Variants in PRKCA observed in about 807,000 individuals in gnomAD.
PRKCA encodes protein kinase C alpha type.
Under a neutral mutation model 87.0 loss-of-function variants are expected in PRKCA, and 27 were observed. The ratio of observed to expected loss-of-function variants is 0.31; its 90% confidence interval spans 0.23 to 0.43. The LOEUF (loss-of-function observed/expected upper bound fraction) is 0.43, where lower values mean the gene tolerates loss of function less well. PRKCA is among the 20% of genes least tolerant of loss of function. PRKCA has a pLI of 1.00. For missense variants in PRKCA, 518 were observed against 852.3 expected (o/e 0.61, Z 4.88); for synonymous variants, 329 against 311.1 (o/e 1.06, Z -0.61).
chr17:66,478,753 G>GA (rs1915643253), intron 2 of PRKCA, among the ~76,000 whole-genome samples: 1 of 121,664 alleles, frequency 8.2e-6, no homozygotes, highest in African/African-American at 3.5e-5. Flanking sequence ...CCTAGAGACA[G>GA]CCCCGTATCA....
chr17:66,495,556 T>TATTTC (rs1183652556), intron 2 of PRKCA, among the ~76,000 whole-genome samples: 1 of 151,570 alleles, frequency 6.6e-6, no homozygotes, highest in African/African-American at 2.4e-5. Flanking sequence ...TATTTTATTT[T>TATTTC]ATTTTATTTT....
Position 66,377,572 on chromosome 17 carries a change from ATATC to A in PRKCA, c.205+71449_205+71452del, listed in dbSNP as rs1428739302. On this transcript the variant is annotated intron_variant, in intron 2 of 16. Coordinates refer to ENST00000413366, the MANE Select transcript of PRKCA (RefSeq NM_002737.3). ...ATATAATGCCTATATTACATATATA[ATATC>A]TATATTACATATATGTCTATATTTT... 4.8e-5 allele frequency among the ~76,000 whole-genome samples: 7 copies of A among 147,300 alleles called. No homozygotes were observed. The Admixed American group carries it at 4.8e-4, about 10-fold the overall frequency.
chr17:66,732,660 G>T (rs774416342), intron 8 of PRKCA, 28 bp from the exon 9 acceptor site: 1 of 1,613,522 alleles, frequency 6.2e-7, no homozygotes, highest in Non-Finnish European at 8.5e-7. Flanking sequence ...AATGACCCAC[G>T]TGTTTCCCAT....
chr17:66,480,043 T>A (rs1567850373), intron 2 of PRKCA, among the ~76,000 whole-genome samples: 1 of 151,818 alleles, frequency 6.6e-6, no homozygotes, highest in East Asian at 1.9e-4. Flanking sequence ...TGAATAACAA[T>A]TCATCATATT....
intron 2 of PRKCA, among the ~76,000 whole-genome samples, chr17:66,456,967 ACATGAATGT>A (rs1283447979): frequency 1.3e-5 from 2 of 152,308 alleles, no homozygotes; most frequent in Middle Eastern, 3.4e-3. Context: ...CTTCTTCTGT[ACATGAATGT>A]CATGAATGTC....
chr17:66,593,265 C>T (rs1969870062), intron 3 of PRKCA, among the ~76,000 whole-genome samples: 1 of 152,100 alleles, frequency 6.6e-6, no homozygotes, highest in Non-Finnish European at 1.5e-5. Flanking sequence ...TGGCATGGCT[C>T]CATGTGGTCA....
At chr17:66,789,358 G>A (rs928536225) in intron 16 of PRKCA, among the ~76,000 whole-genome samples, 31 of 152,216 alleles carry the variant, frequency 2.0e-4, no homozygotes, top group African/African-American at 6.8e-4. Flanking sequence ...CTTCGTGTCT[G>A]TCTCTGGTTT....
At chr17:66,762,998 C>T (rs1263330430) in intron 13 of PRKCA, among the ~76,000 whole-genome samples, 3 of 152,186 alleles carry the variant, frequency 2.0e-5, no homozygotes, top group Non-Finnish European at 4.4e-5. Context: ...ACCATGTTGG[C>T]CAGGCTGGTC....
At position 66,792,055 on chromosome 17, in the gene PRKCA, C is replaced by T. The variant is rs1234491331; in HGVS notation, c.1854+3076C>T. ...ATGTCACACAGCTAGCGACTCTCAC[C>T]GTGAGCCCATTTCTGAGTGGCTCTC... On this transcript the variant is annotated intron_variant, in intron 16 of 16. Transcript: ENST00000413366. The surrounding 1 kb of genome is among the most constrained non-coding windows in gnomAD (Gnocchi z 4.5). Among the ~76,000 whole-genome samples the T allele has an allele frequency of 6.6e-6, 1 of 152,172 alleles. No individual in the cohort carries two copies. Among genetic ancestry groups the T allele is most frequent in the African/African-American group, 2.4e-5 (1 of 41,444 alleles).
At position 66,645,471 on chromosome 17, in the gene PRKCA, C is replaced by T; in HGVS notation, c.489C>T (p.Tyr163=). ...ACACTGAGAAGAGGGGGCGGATTTA[C>T]CTAAAGGCTGAGGTTGCTGATGAAA... ...MDHTEKRGRI[Y]LKAEVADEKL... is the part of the protein sequence containing the mutation. Residue 163 remains tyrosine, a synonymous_variant, in exon 5 of 17, where the codon TAC becomes TAT. Transcript: ENST00000413366. The T allele has an allele frequency of 6.2e-7, 1 of 1,614,140 alleles. No homozygotes were observed. The highest frequency in any genetic ancestry group is 8.5e-7 in the Non-Finnish European group (1 of 1,180,030).
chr17:66,408,645 T>C (rs1911561537), intron 2 of PRKCA, among the ~76,000 whole-genome samples: 1 of 152,184 alleles, frequency 6.6e-6, no homozygotes, highest in South Asian at 2.1e-4. Flanking sequence ...TTAGCACAAA[T>C]CTTCATTTCA....
rs190706713 is a variant in PRKCA at position 66,428,926 on chromosome 17, A to G, written c.206-67275A>G. On this transcript the variant is annotated intron_variant, in intron 2 of 16. Coordinates refer to ENST00000413366, the MANE Select transcript of PRKCA (RefSeq NM_002737.3). ...AATTTAAACTCGTACTTAAGCATATACTACCTGAAGACGTTTAAGAGCCAT... is the reference window on the plus strand; with the variant it reads ...AATTTAAACTCGTACTTAAGCATATGCTACCTGAAGACGTTTAAGAGCCAT... 1.8e-4 allele frequency among the ~76,000 whole-genome samples: 28 copies of G among 152,354 alleles called. 1 individual carries two copies. The East Asian group carries it at 5.2e-3, about 28-fold the overall frequency.
chr17:66,423,842 C>T (rs780242375), intron 2 of PRKCA, among the ~76,000 whole-genome samples: 12 of 141,530 alleles, frequency 8.5e-5, no homozygotes, highest in Admixed American at 7.5e-5. Flanking sequence ...TTTTAAGTGC[C>T]GGTGATGTCA....
chr17:66,626,599 T>TGACCTCGTGATCCGCC (rs536778033), intron 3 of PRKCA, among the ~76,000 whole-genome samples: 56 of 151,962 alleles, frequency 3.7e-4, no homozygotes, highest in African/African-American at 1.3e-3. Flanking sequence ...CTCGATCTGC[T>TGACCTCGTGATCCGCC]GACCTCGTGA....
At chr17:66,781,313 C>T (rs967982874) in intron 14 of PRKCA, among the ~76,000 whole-genome samples, 1 of 152,070 alleles carries the variant, frequency 6.6e-6, no homozygotes, top group African/African-American at 2.4e-5. Flanking sequence ...CAGGGTGGGG[C>T]TGGAAGCGCA....
intron 8 of PRKCA, chr17:66,703,543 C>T (rs1337817857): frequency 6.6e-6 from 1 of 152,150 alleles, no homozygotes; most frequent in Non-Finnish European, 1.5e-5. Context: ...CCTATAATCC[C>T]AGCAAGTTTG....
At chr17:66,683,598 CT>C (rs548017867) in intron 5 of PRKCA, among the ~76,000 whole-genome samples, 1 of 151,716 alleles carries the variant, frequency 6.6e-6, no homozygotes, top group Admixed American at 6.6e-5. Context: ...GACTCCATAT[CT>C]TTTTTTGGGG....
At chr17:66,665,591 G>A (rs2143924256) in intron 5 of PRKCA, among the ~76,000 whole-genome samples, 1 of 152,282 alleles carries the variant, frequency 6.6e-6, no homozygotes, top group African/African-American at 2.4e-5. Context: ...CTCAAAGTGT[G>A]CTGCTGGTCT....
chr17:66,722,062 C>G (rs1973629244), intron 8 of PRKCA, among the ~76,000 whole-genome samples: 1 of 152,106 alleles, frequency 6.6e-6, no homozygotes, highest in Non-Finnish European at 1.5e-5. Flanking sequence ...ATCTTTGGAC[C>G]TGTATTCATA....
Sources: gnomAD v4.1 joint callset for allele counts (sites outside exome capture counted in the v4.1 genomes callset) on GRCh38, gnomAD v4.1.1 for gene constraint, Gnocchi (gnomAD v3.1) non-coding constraint, MANE v1.5 for transcripts, NCBI Gene and HGNC (gene_info 2026-07-23, HGNC 2026-07-21) for gene names.